NHERF4: variants seen among roughly 807,000 people sequenced by gnomAD.
NHERF4 encodes NHERF family PDZ scaffold protein 4, also known as Na(+)/H(+) exchange regulatory cofactor NHE-RF4.
the NHERF4 span, chr11:119,188,589 A>C: frequency 1.2e-6 from 2 of 1,607,984 alleles, no homozygotes; most frequent in Non-Finnish European, 1.7e-6. Context: ...TTGGGGCAGG[A>C]GTGGGGCAGG....
the NHERF4 span, chr11:119,186,705 C>T: frequency 5.0e-6 from 8 of 1,585,344 alleles, no homozygotes; most frequent in South Asian, 8.0e-5. The surrounding 1 kb of genome is among the most constrained non-coding windows in gnomAD (Gnocchi z 4.4). Flanking sequence ...GGCTGTGGTC[C>T]AGGAGAGCAT....
the NHERF4 span, chr11:119,185,920 A>T: frequency 6.2e-7 from 1 of 1,614,146 alleles, no homozygotes; most frequent in Non-Finnish European, 8.5e-7. Flanking sequence ...TTCTTTGCCC[A>T]GTAGATCTGC....
the NHERF4 span, chr11:119,189,228 G>A: frequency 1.3e-6 from 2 of 1,592,326 alleles, no homozygotes; most frequent in South Asian, 1.1e-5. This position sits in a 1 kb window ranked among gnomAD's most constrained non-coding sequence, Gnocchi z 5.8. Flanking sequence ...AAACAGATGG[G>A]ACTGTGAGTA....
chr11:119,187,538 A>C, the NHERF4 span: 1 of 1,601,010 alleles, frequency 6.2e-7, no homozygotes, highest in East Asian at 2.2e-5. Flanking sequence ...AACAGACTGG[A>C]CCTTGCTTTT....
chr11:119,188,066 C>T, the NHERF4 span: 39 of 1,552,146 alleles, frequency 2.5e-5, no homozygotes, highest in Admixed American at 3.9e-5. Flanking sequence ...CACCAAGCCC[C>T]GCTGCCTGCA....
the NHERF4 span, chr11:119,188,545 C>T: frequency 6.3e-7 from 1 of 1,598,754 alleles, no homozygotes; most frequent in African/African-American, 1.3e-5. Context: ...ACCGCTTCTT[C>T]AGCATGGTGC....
At chr11:119,188,526 C>T in the NHERF4 span, 1 of 1,600,306 alleles carries the variant, frequency 6.2e-7, no homozygotes, top group Non-Finnish European at 8.5e-7. Context: ...GTCGTCGACC[C>T]TGAGGCGGAC....
the NHERF4 span, chr11:119,185,747 G>A: frequency 1.2e-5 from 10 of 869,360 alleles, no homozygotes; most frequent in South Asian, 1.1e-4. Flanking sequence ...GGAGGGGACC[G>A]CACAATAGTC....
the NHERF4 span, chr11:119,186,738 C>T: frequency 6.6e-6 from 10 of 1,525,538 alleles, no homozygotes; most frequent in African/African-American, 1.4e-5. The surrounding 1 kb of genome is among the most constrained non-coding windows in gnomAD (Gnocchi z 4.4). Flanking sequence ...GAAAGAGAAG[C>T]GGGTTGCTCA....
At chr11:119,186,592 G>A in the NHERF4 span, 1 of 1,614,136 alleles carries the variant, frequency 6.2e-7, no homozygotes, top group South Asian at 1.1e-5. The surrounding 1 kb of genome is among the most constrained non-coding windows in gnomAD (Gnocchi z 4.4). Context: ...GGTGTGCAGG[G>A]TGGACCCAGG....
the NHERF4 span, chr11:119,187,463 A>G: frequency 6.2e-7 from 1 of 1,613,538 alleles, no homozygotes; most frequent in Non-Finnish European, 8.5e-7. Context: ...ACCCATGGTG[A>G]GCCCAGAGGG....
chr11:119,190,108 G>C, the NHERF4 span: 1 of 567,994 alleles, frequency 1.8e-6, no homozygotes, highest in Non-Finnish European at 3.0e-6. This position sits in a 1 kb window ranked among gnomAD's most constrained non-coding sequence, Gnocchi z 4.2. Flanking sequence ...AGGGATAATG[G>C]GTCAACCCAG....
At chr11:119,187,732 C>G in the NHERF4 span, 1,078 of 1,477,018 alleles carry the variant, frequency 7.3e-4, 15 homozygotes, top group Middle Eastern at 9.8e-3. Flanking sequence ...TCTCCTCCCC[C>G]AATCCGGGCC....
chr11:119,186,545 T>C, the NHERF4 span: 2 of 1,614,178 alleles, frequency 1.2e-6, no homozygotes. The surrounding 1 kb of genome is among the most constrained non-coding windows in gnomAD (Gnocchi z 4.4). Context: ...AGTTTTGGCT[T>C]CCACCTGCAG....
chr11:119,190,080 T>TATCA, the NHERF4 span: 1 of 526,502 alleles, frequency 1.9e-6, no homozygotes, highest in African/African-American at 1.9e-5. The surrounding 1 kb of genome is among the most constrained non-coding windows in gnomAD (Gnocchi z 4.2). Context: ...ATTTATTTCC[T>TATCA]ATCAATCACT....
the NHERF4 span, chr11:119,188,208 T>G: frequency 4.6e-6 from 7 of 1,527,646 alleles, no homozygotes; most frequent in Admixed American, 2.1e-5. Flanking sequence ...CAAGCGTATA[T>G]ACACCTTTCA....
At chr11:119,185,646 A>G in the NHERF4 span, 1 of 860,794 alleles carries the variant, frequency 1.2e-6, no homozygotes. Flanking sequence ...AGTCAGGAGA[A>G]AAGTAATGAG....
At chr11:119,186,601 G>T in the NHERF4 span, 1 of 1,614,086 alleles carries the variant, frequency 6.2e-7, no homozygotes, top group South Asian at 1.1e-5. This position sits in a 1 kb window ranked among gnomAD's most constrained non-coding sequence, Gnocchi z 4.4. Context: ...GGTGGACCCA[G>T]GCACCTCTGC....
At chr11:119,188,036 G>A in the NHERF4 span, 1 of 1,556,344 alleles carries the variant, frequency 6.4e-7, no homozygotes, top group South Asian at 1.2e-5. Context: ...TGCACCCCTG[G>A]CAGAGGGCTG....
Sources: gnomAD v4.1 joint callset for allele counts on GRCh38, gnomAD v4.1.1 for gene constraint, Gnocchi (gnomAD v3.1) non-coding constraint, MANE v1.5 for transcripts, NCBI Gene and HGNC (gene_info 2026-07-23, HGNC 2026-07-21) for gene names.